The following EIF3B variants were observed in gnomAD, a reference collection of about 807,000 sequenced individuals.
EIF3B encodes the protein eukaryotic translation initiation factor 3 subunit 9.
Under a neutral mutation model 104.6 loss-of-function variants are expected in EIF3B, and 10 were observed. That is an observed-to-expected ratio of 0.10 (90% CI 0.06 to 0.16). EIF3B has a LOEUF of 0.16. EIF3B is among the 10% of genes least tolerant of loss of function. The pLI is 1.00. For missense variants in EIF3B, 1,014 were observed against 1,087.9 expected, an observed-to-expected ratio of 0.93 and a Z score of 0.96; for synonymous variants, 542 against 417.2, an observed-to-expected ratio of 1.30 and a Z score of -3.65.
At chr7:2,356,361 C>T (rs745960078) in intron 1 of EIF3B, among the ~76,000 whole-genome samples, 1 of 151,918 alleles carries the variant, frequency 6.6e-6, no homozygotes, top group Non-Finnish European at 1.5e-5. Flanking sequence ...GCCTGTAATC[C>T]CAGCACTTTG....
intron 14 of EIF3B, 178 bp from the exon 15 acceptor site, chr7:2,376,772 C>T (rs1162321305): frequency 2.4e-6 from 2 of 830,962 alleles, no homozygotes; most frequent in Non-Finnish European, 3.6e-6. Flanking sequence ...GGGTCGGTTG[C>T]ATAATGGAGG....
In EIF3B at chr7:2,362,675, C is replaced by T. The variant is rs1166179706; in HGVS notation, c.723C>T (p.Ala241=). Residue 241 remains alanine, a synonymous_variant, in exon 3 of 19, where the codon GCC becomes GCT. Transcript: ENST00000360876. ...TTTTCCTGGAGTACGCGTCCCCTGC[C>T]CACGCTGTGGATGCTGTGAAGAACG... ...GYIFLEYASP[A]HAVDAVKNAD... 5 of 1,614,108 alleles carry T rather than the reference C, an allele frequency of 3.1e-6. No individual in the cohort carries two copies. In the African/African-American group the frequency reaches 5.3e-5, roughly 17 times the overall value.
At position 2,370,566 on chromosome 7, in the gene EIF3B, T is replaced by A. The variant is rs1451299891; in HGVS notation, c.1614+884T>A. Reference sequence around the variant, plus strand: ...TAAGAAAGCTTTAATTGACATGTAGTTCACATGCCTGAAAACACCCCTTTA... The same window carrying A: ...TAAGAAAGCTTTAATTGACATGTAGATCACATGCCTGAAAACACCCCTTTA... On this transcript the variant is annotated intron_variant, in intron 10 of 18. Coordinates refer to ENST00000360876, the MANE Select transcript of EIF3B (RefSeq NM_001037283.2). Among the ~76,000 whole-genome samples, 14 of 152,322 alleles carry A rather than the reference T, an allele frequency of 9.2e-5. 1 individual carries two copies. In the South Asian group the frequency reaches 2.9e-3, roughly 32 times the overall value.
At chr7:2,378,252 A>G (rs56104196) in intron 15 of EIF3B, 21 of 149,050 alleles carry the variant, frequency 1.4e-4, no homozygotes, top group East Asian at 4.2e-4. Context: ...AGGCGCGAGC[A>G]CTGCTGGGAT....
intron 2 of EIF3B, among the ~76,000 whole-genome samples, chr7:2,361,569 G>A (rs1487589450): frequency 4.0e-5 from 6 of 151,190 alleles, no homozygotes; most frequent in African/African-American, 7.3e-5. Context: ...ACTGGCGCCC[G>A]CTACCACGCC....
chr7:2,361,019 A>G (rs1017381725), intron 2 of EIF3B, 117 bp downstream of exon 2: 22 of 754,524 alleles, frequency 2.9e-5, no homozygotes, highest in Non-Finnish European at 4.4e-5. Context: ...TGGGCCGTTC[A>G]CTTCTTCAGG....
At chr7:2,369,002 C>T (rs1262995340) in intron 9 of EIF3B, among the ~76,000 whole-genome samples, 1 of 152,218 alleles carries the variant, frequency 6.6e-6, no homozygotes, top group East Asian at 1.9e-4. Flanking sequence ...AGCAGCTCTT[C>T]TGTAGAGTAG....
intron 16 of EIF3B, 162 bp downstream of exon 16, chr7:2,378,928 C>T: frequency 1.3e-6 from 1 of 770,224 alleles, no homozygotes; most frequent in South Asian, 1.8e-5. Context: ...CTGGGGTTGG[C>T]ACGGGGACTT....
At chr7:2,369,895 G>C (rs549093259) in intron 10 of EIF3B, among the ~76,000 whole-genome samples, 2 of 141,614 alleles carry the variant, frequency 1.4e-5, no homozygotes, top group African/African-American at 2.6e-5. Flanking sequence ...TTCTGCCTCA[G>C]CTTCCCAAGT....
At chr7:2,377,564 T>A (rs371366536) in intron 15 of EIF3B, among the ~76,000 whole-genome samples, 2,601 of 31,842 alleles carry the variant, frequency 0.082, 58 homozygotes, top group African/African-American at 0.16. Flanking sequence ...GCTCCTGGGA[T>A]GCTGTGTTCT....
intron 16 of EIF3B, 25 bp downstream of exon 16, chr7:2,378,791 G>T (rs1001940931): frequency 6.3e-7 from 1 of 1,593,258 alleles, no homozygotes; most frequent in Non-Finnish European, 8.6e-7. Context: ...CAAAATGAGG[G>T]CTGTGCTGTG....
In EIF3B at chr7:2,363,713, A is replaced by G. The variant is rs1017284863; in HGVS notation, c.952A>G (p.Ile318Val). Residue 318 changes from isoleucine to valine, a missense_variant, in exon 5 of 19, where the codon ATA becomes GTA. Around this residue, in one of 4 missense-constraint regions of EIF3B, gnomAD observed 201 missense variants for 240.7 expected, o/e 0.83. Coordinates refer to ENST00000360876, the MANE Select transcript of EIF3B (RefSeq NM_001037283.2). Reference sequence around the variant, plus strand: ...TTTTGAGAGTGGAGACCGCACTTCCATATTCTGGAATGACGTAAAAGACCC... The same window carrying G: ...TTTTGAGAGTGGAGACCGCACTTCCGTATTCTGGAATGACGTAAAAGACCC... Reference protein sequence around the residue: ...VIFESGDRTSIFWNDVKDPVS... With the variant: ...VIFESGDRTSVFWNDVKDPVS... The G allele has an allele frequency of 3.1e-6, 5 of 1,614,138 alleles. No individual in the cohort carries two copies. Among genetic ancestry groups the G allele is most frequent in the Non-Finnish European group, 4.2e-6 (5 of 1,180,016 alleles).
chr7:2,359,831 C>T (rs1397430329), intron 1 of EIF3B, among the ~76,000 whole-genome samples: 1 of 152,192 alleles, frequency 6.6e-6, no homozygotes, highest in Non-Finnish European at 1.5e-5. Context: ...CTGGTGGCCC[C>T]TGGAGAACTG....
At chr7:2,370,929 G>A (rs377238621) in intron 10 of EIF3B, among the ~76,000 whole-genome samples, 178 of 152,282 alleles carry the variant, frequency 1.2e-3, no homozygotes, top group African/African-American at 4.2e-3. Flanking sequence ...CAGGCGTGGT[G>A]GCGGGTGCCT....
chr7:2,379,355 T>C (rs1322886437), intron 17 of EIF3B, 39 bp from the exon 18 acceptor site: 6 of 1,557,798 alleles, frequency 3.9e-6, no homozygotes, highest in Non-Finnish European at 4.4e-6. Flanking sequence ...CCACTAGGCA[T>C]GTGCCCCCAT....
At chr7:2,375,555 C>G in intron 14 of EIF3B, 28 bp downstream of exon 14, 1 of 1,613,716 alleles carries the variant, frequency 6.2e-7, no homozygotes, top group Non-Finnish European at 8.5e-7. Flanking sequence ...ATAGTTTTGA[C>G]TGTGGATAGA....
At chr7:2,365,518 G>C (rs1312128355) in intron 6 of EIF3B, among the ~76,000 whole-genome samples, 1 of 152,206 alleles carries the variant, frequency 6.6e-6, no homozygotes, top group South Asian at 2.1e-4. Flanking sequence ...TACACACTTT[G>C]TGTGAACTGA....
At chr7:2,377,136 T>C in intron 15 of EIF3B, 61 bp downstream of exon 15, 5 of 1,538,664 alleles carry the variant, frequency 3.2e-6, no homozygotes, top group Non-Finnish European at 4.4e-6. Context: ...GTTGAAAAGG[T>C]GTCAGTTTTT....
At chr7:2,369,427 C>T (rs1164818622) in intron 9 of EIF3B, 45 bp from the exon 10 acceptor site, 5 of 1,591,570 alleles carry the variant, frequency 3.1e-6, no homozygotes, top group South Asian at 1.1e-5. Flanking sequence ...TCAGTTTCGT[C>T]ATCACTTGGT....
Sources: gnomAD v4.1 joint callset for allele counts (sites outside exome capture counted in the v4.1 genomes callset) on GRCh38, gnomAD v4.1.1 for gene constraint, gnomAD v4.1.1 regional missense constraint, MANE v1.5 for transcripts, NCBI Gene and HGNC (gene_info 2026-07-23, HGNC 2026-07-21) for gene names.